TPTE2: variants seen among roughly 807,000 people sequenced by gnomAD.
TPTE2 encodes the protein transmembrane phosphoinositide 3-phosphatase and tensin homolog 2.
In TPTE2, 53 loss-of-function variants were observed where a neutral mutation model predicts 78.6. That is an observed-to-expected ratio of 0.67 (90% CI 0.54 to 0.85). TPTE2 has a LOEUF of 0.85. TPTE2 is among the 40% of genes least tolerant of loss of function. The pLI is 0.00. For missense variants in TPTE2, 461 were observed against 623.0 expected (o/e 0.74, Z 2.77); for synonymous variants, 175 against 206.2 (o/e 0.85, Z 1.30).
intron 10 of TPTE2, among the ~76,000 whole-genome samples, chr13:19,451,843 G>GTGTATATATA (rs1555249617): frequency 2.0e-5 from 3 of 147,030 alleles, no homozygotes; most frequent in Admixed American, 1.4e-4. Flanking sequence ...GTGTGTGTGT[G>GTGTATATATA]TATATATGTA....
At chr13:19,548,428 C>T in the TPTE2 span, among the ~76,000 whole-genome samples, 1 of 151,034 alleles carries the variant, frequency 6.6e-6, no homozygotes, top group Non-Finnish European at 1.5e-5. Flanking sequence ...CAGAGCCCTT[C>T]TTTAGGGTTT....
rs563378224 is a variant in TPTE2 at position 19,450,523 on chromosome 13, G to C, written c.803-179C>G. 2.9e-4 allele frequency among the ~76,000 whole-genome samples: 44 copies of C among 152,156 alleles called. 1 individual carries two copies. Among genetic ancestry groups the C allele is most frequent in the Admixed American group, 7.2e-4 (11 of 15,272 alleles). On this transcript the variant is annotated intron_variant, in intron 11 of 19. Coordinates refer to ENST00000400230, the Ensembl canonical transcript of TPTE2. ...ATTTCAAAAACGTAAGGATGGTAGTGGTTTATCCATCTCATGTAACCTAAA... is the reference window on the plus strand; with the variant it reads ...ATTTCAAAAACGTAAGGATGGTAGTCGTTTATCCATCTCATGTAACCTAAA...
At chr13:19,459,310 G>A (rs1169646905) in intron 10 of TPTE2, among the ~76,000 whole-genome samples, 1 of 152,106 alleles carries the variant, frequency 6.6e-6, no homozygotes, top group Non-Finnish European at 1.5e-5. Flanking sequence ...CTCTGAATGA[G>A]ATACTGCCGG....
chr13:19,486,750 G>C lies in TPTE2; in HGVS notation c.120-4203C>G, dbSNP rs1435011319. Among the ~76,000 whole-genome samples the C allele has an allele frequency of 6.6e-6, 1 of 152,170 alleles. No individual in the cohort carries two copies. The highest frequency in any genetic ancestry group is 1.5e-5 in the Non-Finnish European group (1 of 68,034). On this transcript the variant is annotated intron_variant, in intron 3 of 19. Transcript: ENST00000400230. The surrounding 1 kb of genome is among the most constrained non-coding windows in gnomAD (Gnocchi z 4.3). Reference sequence around the variant, plus strand: ...TCTTTGCCAGGGCTGGCCAAGAGGGGGTGTTTCTCAGGCCTGGGATACAGT... The same window carrying C: ...TCTTTGCCAGGGCTGGCCAAGAGGGCGTGTTTCTCAGGCCTGGGATACAGT...
At chr13:19,558,926 C>G in the TPTE2 span, among the ~76,000 whole-genome samples, 6 of 152,214 alleles carry the variant, frequency 3.9e-5, no homozygotes, top group African/African-American at 1.4e-4. Flanking sequence ...TGGCTATAGA[C>G]CTCACTGTAC....
In TPTE2 at chr13:19,486,603, G is replaced by A. The variant is rs1489347782; in HGVS notation, c.120-4056C>T. ...GCATGCACTCCAGGAGTGGCCTGAAGGGCTGTTTCCCCTACCTGGTATGTG... is the reference window on the plus strand; with the variant it reads ...GCATGCACTCCAGGAGTGGCCTGAAAGGCTGTTTCCCCTACCTGGTATGTG... On this transcript the variant is annotated intron_variant, in intron 3 of 19. Transcript: ENST00000400230. This position sits in a 1 kb window ranked among gnomAD's most constrained non-coding sequence, Gnocchi z 4.3. 1.3e-5 allele frequency among the ~76,000 whole-genome samples: 2 copies of A among 152,228 alleles called. No individual in the cohort carries two copies. Among genetic ancestry groups the A allele is most frequent in the East Asian group, 3.9e-4 (2 of 5,190 alleles).
At chr13:19,483,068 T>G (rs1880453801) in intron 3 of TPTE2, among the ~76,000 whole-genome samples, 1 of 152,212 alleles carries the variant, frequency 6.6e-6, no homozygotes, top group Non-Finnish European at 1.5e-5. Context: ...ACTACTTTAT[T>G]GGTTAAAAAA....
chr13:19,536,126 CT>C (rs1228838020), intron 1 of TPTE2, among the ~76,000 whole-genome samples: 1 of 151,998 alleles, frequency 6.6e-6, no homozygotes, highest in Non-Finnish European at 1.5e-5. Context: ...TATGGATGGT[CT>C]TTTCATTCTA....
intron 10 of TPTE2, chr13:19,458,628 G>A: frequency 2.1e-6 from 1 of 485,036 alleles, no homozygotes; most frequent in South Asian, 1.5e-5. Flanking sequence ...TGGAGATTAG[G>A]CCCAGTCTTT....
At chr13:19,479,754 G>C (rs1880212748) in intron 4 of TPTE2, among the ~76,000 whole-genome samples, 1 of 152,118 alleles carries the variant, frequency 6.6e-6, no homozygotes, top group South Asian at 2.1e-4. Context: ...ATGAGGTCAA[G>C]AGATTGAGAC....
In TPTE2 at chr13:19,475,668, A is replaced by G. The variant is rs566471060; in HGVS notation, c.180-45T>C. 8.2e-6 allele frequency: 13 copies of G among 1,583,852 alleles called. No homozygotes were observed. The African/African-American group carries it at 1.1e-4, about 13-fold the overall frequency. The stretch of plus-strand genomic sequence containing the variant: ...TAAAATTAACCAGATTTCTTCTTAT[A>G]TTGTAAATTTAACCAAAAAACAAAG... On this transcript the variant is annotated intron_variant, in intron 4 of 19. Coordinates refer to ENST00000400230, the Ensembl canonical transcript of TPTE2.
intron 13 of TPTE2, among the ~76,000 whole-genome samples, chr13:19,439,017 G>T (rs559803235): frequency 6.6e-6 from 1 of 152,136 alleles, no homozygotes; most frequent in Admixed American, 6.6e-5. Context: ...GAGACTTTGT[G>T]GGGGAAAGAC....
At chr13:19,547,051 TTATTAA>T in the TPTE2 span, among the ~76,000 whole-genome samples, 2 of 150,900 alleles carry the variant, frequency 1.3e-5, no homozygotes, top group Non-Finnish European at 2.9e-5. Flanking sequence ...CTCCTGAAAC[TTATTAA>T]TATTATGAAG....
In TPTE2 at chr13:19,486,163, T is replaced by C. The variant is rs1880650854; in HGVS notation, c.120-3616A>G. Reference sequence around the variant, plus strand: ...TCCAATTTTATGGAGTAGGTTTACTTGTATGAATTTATTTCTATGAATAGG... The same window carrying C: ...TCCAATTTTATGGAGTAGGTTTACTCGTATGAATTTATTTCTATGAATAGG... On this transcript the variant is annotated intron_variant, in intron 3 of 19. Coordinates refer to ENST00000400230, the Ensembl canonical transcript of TPTE2. The surrounding 1 kb of genome is among the most constrained non-coding windows in gnomAD (Gnocchi z 4.3). 6.6e-6 allele frequency among the ~76,000 whole-genome samples: 1 copy of C among 152,180 alleles called. No individual in the cohort carries two copies. Among genetic ancestry groups the C allele is most frequent in the Non-Finnish European group, 1.5e-5 (1 of 68,040 alleles).
At chr13:19,550,049 A>G in the TPTE2 span, among the ~76,000 whole-genome samples, 2 of 136,288 alleles carry the variant, frequency 1.5e-5, no homozygotes, top group African/African-American at 5.0e-5. Flanking sequence ...ACCTACAGGT[A>G]TTATGCTGAT....
At chr13:19,441,431 AT>A (rs1722303257) in intron 13 of TPTE2, among the ~76,000 whole-genome samples, 1 of 152,152 alleles carries the variant, frequency 6.6e-6, no homozygotes, top group Non-Finnish European at 1.5e-5. Context: ...TATACCAAAA[AT>A]CTAAGCTCAA....
At chr13:19,515,006 G>A (rs1451892190) in intron 1 of TPTE2, among the ~76,000 whole-genome samples, 1 of 152,106 alleles carries the variant, frequency 6.6e-6, no homozygotes, top group Non-Finnish European at 1.5e-5. Context: ...ATAAAACCAT[G>A]CTGAATATTC....
chr13:19,442,339 C>CA (rs35171174), intron 13 of TPTE2, among the ~76,000 whole-genome samples: 13 of 141,024 alleles, frequency 9.2e-5, no homozygotes, highest in South Asian at 2.3e-4. Flanking sequence ...ACTCATGGGT[C>CA]AAAAAAAAAA....
chr13:19,504,458 TG>T (rs1868856728), upstream of TPTE2, among the ~76,000 whole-genome samples: 1 of 152,070 alleles, frequency 6.6e-6, no homozygotes, highest in South Asian at 2.1e-4. Flanking sequence ...GGTAGAGCTC[TG>T]GGTGTGAGGA....
Sources: gnomAD v4.1 joint callset for allele counts (sites outside exome capture counted in the v4.1 genomes callset) on GRCh38, gnomAD v4.1.1 for gene constraint, Gnocchi (gnomAD v3.1) non-coding constraint, MANE v1.5 for transcripts, NCBI Gene and HGNC (gene_info 2026-07-23, HGNC 2026-07-21) for gene names.